PARD3B: variants seen among roughly 807,000 people sequenced by gnomAD.
PARD3B encodes the protein partitioning defective 3 homolog B.
PARD3B carries 103 observed loss-of-function variants against 130.2 expected under a neutral mutation model. That is an observed-to-expected ratio of 0.79 (90% CI 0.67 to 0.93). The LOEUF is 0.93. Ranked by LOEUF, PARD3B falls within the 40% of genes least tolerant of loss-of-function variation. The pLI, the probability that PARD3B is intolerant of heterozygous loss-of-function variation, is 0.00. For synonymous variants in PARD3B, 583 were observed against 553.2 expected (o/e 1.05, Z -0.76); for missense variants, 1,609 against 1,499.2 (o/e 1.07, Z -1.21).
intron 3 of PARD3B, among the ~76,000 whole-genome samples, chr2:205,039,279 G>T (rs1698224349): frequency 6.6e-6 from 1 of 152,100 alleles, no homozygotes; most frequent in South Asian, 2.1e-4. Context: ...TAAATCATCT[G>T]CAAGAAAGAC....
At chr2:204,883,412 TATATA>T (rs1330979046) in intron 2 of PARD3B, among the ~76,000 whole-genome samples, 2 of 116,778 alleles carry the variant, frequency 1.7e-5, no homozygotes, top group Admixed American at 8.6e-5. Flanking sequence ...ATATTATATA[TATATA>T]ATATATATAT....
At chr2:205,111,052 A>G (rs1266313460) in intron 5 of PARD3B, among the ~76,000 whole-genome samples, 1 of 152,096 alleles carries the variant, frequency 6.6e-6, no homozygotes, top group East Asian at 1.9e-4. Flanking sequence ...GAACTGGTCC[A>G]TGGGGCATTA....
chr2:205,402,181 A>G (rs1172208095), intron 19 of PARD3B, among the ~76,000 whole-genome samples: 1 of 152,164 alleles, frequency 6.6e-6, no homozygotes, highest in Non-Finnish European at 1.5e-5. Flanking sequence ...CTCATTTTTG[A>G]GAGGTTGATA....
At chr2:204,819,619 G>A (rs969296139) in intron 2 of PARD3B, among the ~76,000 whole-genome samples, 9 of 152,128 alleles carry the variant, frequency 5.9e-5, no homozygotes, top group African/African-American at 1.7e-4. Context: ...AGCTTAGTGA[G>A]GAAGACAGGT....
chr2:204,777,915 G>C (rs1184024500), intron 2 of PARD3B, among the ~76,000 whole-genome samples: 1 of 152,116 alleles, frequency 6.6e-6, no homozygotes, highest in Non-Finnish European at 1.5e-5. Context: ...ATGATAGTGA[G>C]TTTCATGAGC....
chr2:205,413,209 T>C (rs73985014), intron 19 of PARD3B, among the ~76,000 whole-genome samples: 1,957 of 152,246 alleles, frequency 0.013, 48 homozygotes, highest in African/African-American at 0.044. Context: ...CTATAAAATT[T>C]ACATAACATG....
chr2:205,154,332 C>G (rs184529868), intron 10 of PARD3B, among the ~76,000 whole-genome samples: 8,721 of 152,204 alleles, frequency 0.057, 423 homozygotes, highest in African/African-American at 0.12. Flanking sequence ...AAATGCAAAT[C>G]AAAACCACCA....
At chr2:205,453,681 T>C (rs2048179379) in intron 20 of PARD3B, among the ~76,000 whole-genome samples, 1 of 152,196 alleles carries the variant, frequency 6.6e-6, no homozygotes, top group African/African-American at 2.4e-5. Context: ...TCAAACTTCA[T>C]GTTACACCCT....
chr2:204,803,894 C>T (rs2042666183), intron 2 of PARD3B, among the ~76,000 whole-genome samples: 1 of 152,070 alleles, frequency 6.6e-6, no homozygotes, highest in African/African-American at 2.4e-5. Flanking sequence ...CTAAACTCTG[C>T]AATCAAAAGA....
rs879890763 is a variant in PARD3B at position 205,375,993 on chromosome 2, G to A, written c.2631-25020G>A. 3.5e-4 allele frequency among the ~76,000 whole-genome samples: 53 copies of A among 152,060 alleles called. 2 individuals are homozygous for A. Among genetic ancestry groups the A allele is most frequent in the Admixed American group, 3.5e-3 (53 of 15,260 alleles). ...AATAGGATCCAAAAATGGACACAGGGGTCATCTGTGACCTTAGCAAGAAAA... is the reference window on the plus strand; with the variant it reads ...AATAGGATCCAAAAATGGACACAGGAGTCATCTGTGACCTTAGCAAGAAAA... On this transcript the variant is annotated intron_variant, in intron 18 of 22. Coordinates refer to ENST00000406610, the MANE Select transcript of PARD3B (RefSeq NM_001302769.2).
chr2:205,063,759 A>G (rs1256465150), intron 4 of PARD3B, among the ~76,000 whole-genome samples: 1 of 152,224 alleles, frequency 6.6e-6, no homozygotes, highest in Non-Finnish European at 1.5e-5. Flanking sequence ...AGAAATATTT[A>G]GGAAATAAAA....
chr2:205,298,619 T>C (rs1270051382), intron 16 of PARD3B, among the ~76,000 whole-genome samples: 1 of 152,198 alleles, frequency 6.6e-6, no homozygotes, highest in Non-Finnish European at 1.5e-5. Context: ...ATCTAGTGTT[T>C]ATTGTCATCC....
intron 21 of PARD3B, among the ~76,000 whole-genome samples, chr2:205,528,028 T>G (rs1364319005): frequency 2.0e-5 from 3 of 152,184 alleles, no homozygotes; most frequent in African/African-American, 7.2e-5. Flanking sequence ...CACAGTCCCC[T>G]GCAAACAGCC....
intron 10 of PARD3B, among the ~76,000 whole-genome samples, chr2:205,152,990 TG>T (rs2033865312): frequency 6.6e-6 from 1 of 152,214 alleles, no homozygotes. Flanking sequence ...TTCTGTTTGT[TG>T]GTTTTCCTTC....
chr2:205,126,737 A>G (rs1421712227), intron 10 of PARD3B, among the ~76,000 whole-genome samples: 2 of 115,110 alleles, frequency 1.7e-5, no homozygotes, highest in Non-Finnish European at 3.3e-5. Flanking sequence ...TGGGCGACAG[A>G]GCGAGACTCC....
At chr2:205,479,662 C>T (rs1376904520) in intron 20 of PARD3B, among the ~76,000 whole-genome samples, 1 of 152,228 alleles carries the variant, frequency 6.6e-6, no homozygotes, top group East Asian at 1.9e-4. Context: ...TGCCTTTCTG[C>T]AACAACCTCT....
At position 204,656,795 on chromosome 2, in the gene PARD3B, A is replaced by G. The variant is rs142412605; in HGVS notation, c.121-29386A>G. Among the ~76,000 whole-genome samples the G allele has an allele frequency of 1.5e-4, 23 of 152,304 alleles. No individual in the cohort carries two copies. In the East Asian group the frequency reaches 4.2e-3, roughly 28 times the overall value. ...CAGAAAGACTTGTGCAAATAGTGAG[A>G]GCAAATGCCTAAACCCTCATGTACC... is the stretch of plus-strand genomic sequence containing the variant. On this transcript the variant is annotated intron_variant, in intron 1 of 22. Transcript: ENST00000406610.
intron 2 of PARD3B, among the ~76,000 whole-genome samples, chr2:204,926,633 C>T (rs190273206): frequency 1.4e-4 from 22 of 152,180 alleles, no homozygotes; most frequent in African/African-American, 5.3e-4. Context: ...CTTATTATTT[C>T]TCTCGGAAGC....
chr2:204,801,102 T>C (rs2042552378), intron 2 of PARD3B, among the ~76,000 whole-genome samples: 1 of 152,182 alleles, frequency 6.6e-6, no homozygotes, highest in Non-Finnish European at 1.5e-5. Context: ...CCATGCTGTT[T>C]GTTTTTGTTA....
Sources: gnomAD v4.1 joint callset for allele counts (sites outside exome capture counted in the v4.1 genomes callset) on GRCh38, gnomAD v4.1.1 for gene constraint, MANE v1.5 for transcripts, NCBI Gene and HGNC (gene_info 2026-07-23, HGNC 2026-07-21) for gene names.